Variants in CARNMT1 observed in about 807,000 individuals in gnomAD.
The protein encoded by CARNMT1 is protein-L-histidine N-pros-methyltransferase CARNMT1.
Under a neutral mutation model 49.6 loss-of-function variants are expected in CARNMT1, and 28 were observed. That is an observed-to-expected ratio of 0.56 (90% CI 0.42 to 0.77). The LOEUF (loss-of-function observed/expected upper bound fraction) is 0.77, where lower values mean the gene tolerates loss of function less well. Ranked by LOEUF, CARNMT1 falls within the 30% of genes least tolerant of loss-of-function variation. The probability of loss-of-function intolerance (pLI) is 0.00; values close to 1 mark genes in which losing one functional copy is unlikely to be tolerated. For missense variants in CARNMT1, 421 were observed against 512.6 expected, an observed-to-expected ratio of 0.82 and a Z score of 1.73; for synonymous variants, 178 against 175.0, an observed-to-expected ratio of 1.02 and a Z score of -0.13.
At chr9:75,018,881 C>T (rs928695243) in intron 1 of CARNMT1, among the ~76,000 whole-genome samples, 3 of 150,814 alleles carry the variant, frequency 2.0e-5, no homozygotes, top group Admixed American at 1.3e-4. Flanking sequence ...GCAGGAGAAT[C>T]GCTTGAACGC....
At chr9:74,997,528 T>C (rs1367249431) in intron 5 of CARNMT1, among the ~76,000 whole-genome samples, 4 of 152,096 alleles carry the variant, frequency 2.6e-5, no homozygotes, top group Admixed American at 6.6e-5. Context: ...CTGTACCCAT[T>C]GCTTACTACA....
intron 3 of CARNMT1, among the ~76,000 whole-genome samples, chr9:75,002,389 G>C (rs193082519): frequency 6.6e-6 from 1 of 152,168 alleles, no homozygotes; most frequent in East Asian, 1.9e-4. Flanking sequence ...ACCTACAGTG[G>C]TTCTCTTTGA....
At chr9:75,024,660 A>G (rs989960744) in intron 1 of CARNMT1, among the ~76,000 whole-genome samples, 11 of 152,236 alleles carry the variant, frequency 7.2e-5, no homozygotes, top group African/African-American at 1.9e-4. Context: ...CATTAGAAAG[A>G]GAAAATATTA....
At chr9:74,998,576 T>C (rs1388964146) in intron 5 of CARNMT1, 22 bp downstream of exon 5, 1 of 1,512,448 alleles carries the variant, frequency 6.6e-7, no homozygotes, top group Non-Finnish European at 8.9e-7. Flanking sequence ...CAAGACTTTT[T>C]AAACGCTTGA....
chr9:74,995,410 AG>A (rs1833157310), intron 6 of CARNMT1, among the ~76,000 whole-genome samples: 1 of 152,224 alleles, frequency 6.6e-6, no homozygotes, highest in African/African-American at 2.4e-5. Context: ...AATACCCAGT[AG>A]GTAATATCTT....
chr9:74,996,039 T>C (rs1361565716), intron 6 of CARNMT1: 1 of 155,744 alleles, frequency 6.4e-6, no homozygotes, highest in Non-Finnish European at 1.4e-5. Flanking sequence ...TCCCAGTATA[T>C]GGATGTACTA....
intron 3 of CARNMT1, among the ~76,000 whole-genome samples, chr9:75,013,941 A>T (rs1481077057): frequency 1.3e-5 from 2 of 149,682 alleles, no homozygotes; most frequent in African/African-American, 5.0e-5. Flanking sequence ...ACTGCACTAC[A>T]GCCTGGATGA....
At chr9:75,010,570 G>A (rs1195857669) in intron 3 of CARNMT1, among the ~76,000 whole-genome samples, 7 of 152,100 alleles carry the variant, frequency 4.6e-5, no homozygotes, top group East Asian at 1.9e-4. Flanking sequence ...CCTAAGAGAC[G>A]ACATGAAATG....
chr9:74,995,139 G>C (rs1379420437), intron 6 of CARNMT1, among the ~76,000 whole-genome samples: 3 of 152,158 alleles, frequency 2.0e-5, no homozygotes, highest in African/African-American at 7.2e-5. Flanking sequence ...ACTCAGTAAT[G>C]GGGGTCAAAA....
In CARNMT1 at chr9:74,999,711, C is replaced by CA. The variant is rs1240043206; in HGVS notation, c.731+18dup. On this transcript the variant is annotated intron_variant, in intron 4 of 7. Coordinates refer to ENST00000376834, the MANE Select transcript of CARNMT1 (RefSeq NM_152420.3). ...GATTCTGAGAAATTACTATTTCCAG[C>CA]AAAAAATAAATTAAATACCTGTTGA... is the stretch of plus-strand genomic sequence containing the variant. The CA allele has an allele frequency of 3.2e-6, 5 of 1,582,934 alleles. No homozygotes were observed. Among genetic ancestry groups the CA allele is most frequent in the East Asian group, 2.2e-5 (1 of 44,530 alleles).
Position 75,028,167 on chromosome 9 carries a change from G to T in CARNMT1, c.75C>A (p.Ser25Arg). Residue 25 changes from serine to arginine, a missense_variant, in exon 1 of 8, where the codon AGC (serine) becomes AGA (arginine). Physicochemically the swap from Ser to Arg is moderately radical, Grantham distance 110. Coordinates refer to ENST00000376834, the MANE Select transcript of CARNMT1 (RefSeq NM_152420.3). ...CGGAAAACTGCACTTCCACCTCCTC[G>T]CTGCCACCGCCTCCTCCCCCGCAGC... The part of the protein sequence containing the change: ...PEGCGGGGGG[S>R]EEVEVQFSAG... The T allele has an allele frequency of 1.3e-6, 2 of 1,525,830 alleles. No homozygotes were observed. The highest frequency in any genetic ancestry group is 1.8e-6 in the Non-Finnish European group (2 of 1,137,964). 94.5% of individuals were successfully genotyped at this position (1,525,830 alleles called of 1,614,324 possible).
At chr9:75,006,774 C>A (rs1833523269) in intron 3 of CARNMT1, among the ~76,000 whole-genome samples, 2 of 152,090 alleles carry the variant, frequency 1.3e-5, no homozygotes, top group Non-Finnish European at 2.9e-5. Flanking sequence ...TAAAAAATAA[C>A]CTATTAGTAC....
intron 6 of CARNMT1, chr9:74,995,919 C>T (rs926404587): frequency 2.6e-5 from 4 of 152,008 alleles, no homozygotes; most frequent in African/African-American, 9.7e-5. Flanking sequence ...TAATTTCTAA[C>T]ATCGAGTAGT....
intron 3 of CARNMT1, among the ~76,000 whole-genome samples, chr9:75,004,698 A>G (rs1303931580): frequency 6.6e-6 from 1 of 152,214 alleles, no homozygotes; most frequent in African/African-American, 2.4e-5. Context: ...TGGAAAAAAA[A>G]TGCTTCGTTA....
intron 6 of CARNMT1, chr9:74,996,160 T>C: frequency 4.4e-6 from 1 of 227,736 alleles, no homozygotes; most frequent in South Asian, 8.3e-5. Flanking sequence ...GCATGTGGGA[T>C]GGTGATAATG....
At chr9:74,993,411 G>C (rs1833091558) in intron 6 of CARNMT1, among the ~76,000 whole-genome samples, 1 of 152,156 alleles carries the variant, frequency 6.6e-6, no homozygotes, top group Non-Finnish European at 1.5e-5. Flanking sequence ...ACATAATCCT[G>C]AAGAGTTTAG....
chr9:75,014,037 A>C (rs1049178031), intron 3 of CARNMT1, among the ~76,000 whole-genome samples: 6 of 151,186 alleles, frequency 4.0e-5, no homozygotes, highest in East Asian at 1.9e-4. Flanking sequence ...AAAAAAAAAA[A>C]AAAACCCCAA....
chr9:75,013,332 A>G (rs1008868085), intron 3 of CARNMT1, among the ~76,000 whole-genome samples: 2 of 152,230 alleles, frequency 1.3e-5, no homozygotes, highest in Admixed American at 1.3e-4. Flanking sequence ...AGGGGAAATC[A>G]GGAGAAATTT....
intron 6 of CARNMT1, among the ~76,000 whole-genome samples, chr9:74,986,114 A>G (rs950341094): frequency 2.6e-5 from 4 of 152,186 alleles, no homozygotes; most frequent in African/African-American, 9.7e-5. Context: ...ACAGTTATAT[A>G]TACCTCAGGC....
Sources: allele counts gnomAD v4.1 joint callset (sites outside exome capture counted in the v4.1 genomes callset), GRCh38; gene constraint gnomAD v4.1.1; transcripts MANE v1.5; gene names NCBI Gene and HGNC (gene_info 2026-07-23, HGNC 2026-07-21).